Variants in RALYL observed in about 807,000 individuals in gnomAD.
RALYL encodes RNA-binding Raly-like protein.
RALYL carries 29 observed loss-of-function variants against 35.1 expected under a neutral mutation model. The observed-to-expected ratio is 0.83, with a 90% CI of 0.61 to 1.13. The LOEUF is 1.13. Among genes scored for constraint, RALYL ranks in the 50% most tolerant of loss-of-function variants. RALYL has a pLI of 0.00. For missense variants in RALYL, 359 were observed against 360.4 expected (o/e 1.00, Z 0.03); for synonymous variants, 120 against 127.6 (o/e 0.94, Z 0.40).
Position 84,698,669 on chromosome 8 carries a change from G to C in RALYL, c.257-75910G>C, listed in dbSNP as rs1316542627. Among the ~76,000 whole-genome samples, 20 of 152,088 alleles carry C rather than the reference G, an allele frequency of 1.3e-4. 1 individual carries two copies. The highest frequency in any genetic ancestry group is 1.3e-3 in the Admixed American group (20 of 15,246). ...AGATGAAACCAGATGCTCTAGTTCA[G>C]AGTCCAGAAAGAAGAAAGTAAGGGC... On this transcript the variant is annotated intron_variant, in intron 2 of 8. Coordinates refer to ENST00000521268, the MANE Select transcript of RALYL (RefSeq NM_173848.7).
At chr8:84,420,365 T>C (rs982703920) in intron 1 of RALYL, among the ~76,000 whole-genome samples, 4 of 152,190 alleles carry the variant, frequency 2.6e-5, no homozygotes, top group Admixed American at 2.0e-4. Flanking sequence ...TGTCTGTTCA[T>C]GTCCTTCACC....
intron 8 of RALYL, among the ~76,000 whole-genome samples, chr8:84,900,262 T>G (rs1845442922): frequency 6.6e-6 from 1 of 152,186 alleles, no homozygotes; most frequent in Non-Finnish European, 1.5e-5. Context: ...AAATAGTTAC[T>G]TTTCTAAAAA....
intron 2 of RALYL, among the ~76,000 whole-genome samples, chr8:84,639,737 C>A (rs940954518): frequency 2.0e-5 from 3 of 151,948 alleles, no homozygotes; most frequent in African/African-American, 7.2e-5. Context: ...TTGGTGGAAT[C>A]CTTATGGCCA....
At chr8:84,502,554 A>G (rs2056792509) in intron 1 of RALYL, among the ~76,000 whole-genome samples, 1 of 152,100 alleles carries the variant, frequency 6.6e-6, no homozygotes, top group Non-Finnish European at 1.5e-5. Context: ...AAAATAGAAT[A>G]AAAAAGGTTT....
At chr8:84,321,454 T>C (rs1844788598) in intron 1 of RALYL, among the ~76,000 whole-genome samples, 1 of 152,160 alleles carries the variant, frequency 6.6e-6, no homozygotes. Context: ...CAAGGTAATT[T>C]TAATAAGTTG....
intron 1 of RALYL, among the ~76,000 whole-genome samples, chr8:84,361,671 G>A (rs925841617): frequency 3.3e-5 from 5 of 152,080 alleles, no homozygotes; most frequent in African/African-American, 1.2e-4. Context: ...ATACACACAA[G>A]GCCAAATGTG....
chr8:84,720,857 A>T (rs1341874824), intron 2 of RALYL, among the ~76,000 whole-genome samples: 1 of 152,196 alleles, frequency 6.6e-6, no homozygotes, highest in African/African-American at 2.4e-5. Context: ...AAAAAGAGAC[A>T]TACAAACGGA....
At chr8:84,618,574 T>G (rs1226238614) in intron 2 of RALYL, among the ~76,000 whole-genome samples, 4 of 117,344 alleles carry the variant, frequency 3.4e-5, no homozygotes, top group Non-Finnish European at 6.9e-5. Context: ...TTTGAAGGGT[T>G]TTTTGTGTCT....
intron 2 of RALYL, among the ~76,000 whole-genome samples, chr8:84,676,445 A>T (rs988829963): frequency 2.0e-5 from 3 of 152,208 alleles, no homozygotes; most frequent in Non-Finnish European, 2.9e-5. Flanking sequence ...TGTTGCAATC[A>T]AAACCATGTC....
At chr8:84,525,381 TA>T (rs1463764017) in intron 1 of RALYL, among the ~76,000 whole-genome samples, 1 of 152,176 alleles carries the variant, frequency 6.6e-6, no homozygotes, top group African/African-American at 2.4e-5. Context: ...AAAATATAGA[TA>T]TTTTTTCCAA....
At chr8:84,495,542 G>T (rs568230222) in intron 1 of RALYL, among the ~76,000 whole-genome samples, 3 of 152,136 alleles carry the variant, frequency 2.0e-5, no homozygotes, top group African/African-American at 4.8e-5. Flanking sequence ...AAAATGTGCA[G>T]ATTTCATAAT....
chr8:84,524,342 A>G (rs2058713249), intron 1 of RALYL, among the ~76,000 whole-genome samples: 1 of 152,214 alleles, frequency 6.6e-6, no homozygotes, highest in East Asian at 1.9e-4. Flanking sequence ...CAAAAAACAC[A>G]TGAAAAAATG....
chr8:84,859,637 T>A (rs1403967140), intron 5 of RALYL, among the ~76,000 whole-genome samples: 1 of 152,060 alleles, frequency 6.6e-6, no homozygotes, highest in East Asian at 1.9e-4. Flanking sequence ...ATCACTTCAG[T>A]CCAAGAGTTC....
intron 1 of RALYL, among the ~76,000 whole-genome samples, chr8:84,352,921 A>T (rs1851188190): frequency 6.7e-6 from 1 of 150,052 alleles, no homozygotes; most frequent in Non-Finnish European, 1.5e-5. Flanking sequence ...TTTTAGTAAG[A>T]AAATACTGTA....
At chr8:84,760,041 T>C (rs138500533) in intron 2 of RALYL, among the ~76,000 whole-genome samples, 3 of 152,308 alleles carry the variant, frequency 2.0e-5, no homozygotes, top group African/African-American at 7.2e-5. Flanking sequence ...ATAGTAATTA[T>C]GCCAAAACCC....
intron 2 of RALYL, among the ~76,000 whole-genome samples, chr8:84,581,035 T>C (rs1810703934): frequency 6.6e-6 from 1 of 152,184 alleles, no homozygotes; most frequent in African/African-American, 2.4e-5. Context: ...ATGTGGCCTC[T>C]CCATGTAGTT....
chr8:84,834,081 T>A (rs1831467329), intron 4 of RALYL, among the ~76,000 whole-genome samples: 1 of 152,212 alleles, frequency 6.6e-6, no homozygotes, highest in South Asian at 2.1e-4. Context: ...GTATGTTAAA[T>A]CATAAAAATA....
chr8:84,266,885 G>A (rs1238847316), intron 1 of RALYL, among the ~76,000 whole-genome samples: 1 of 150,958 alleles, frequency 6.6e-6, no homozygotes, highest in Admixed American at 6.6e-5. Context: ...GCGTGAACCC[G>A]GGAGGCGGAG....
intron 1 of RALYL, among the ~76,000 whole-genome samples, chr8:84,373,239 A>T (rs1856267258): frequency 2.6e-5 from 4 of 151,368 alleles, no homozygotes; most frequent in Non-Finnish European, 1.5e-5. Flanking sequence ...CTCTTTAGTC[A>T]ATTTTTGCTT....
Sources: gnomAD v4.1 joint callset for allele counts (sites outside exome capture counted in the v4.1 genomes callset) on GRCh38, gnomAD v4.1.1 for gene constraint, MANE v1.5 for transcripts, NCBI Gene and HGNC (gene_info 2026-07-23, HGNC 2026-07-21) for gene names.